Variants in IQCM observed in about 807,000 individuals in gnomAD.
IQCM encodes the protein IQ motif containing M.
IQCM carries 45 observed loss-of-function variants against 57.6 expected under a neutral mutation model. The observed-to-expected ratio is 0.78, with a 90% confidence interval of 0.62 to 1.00. The LOEUF is 1.00. Among genes scored for constraint, IQCM ranks in the 50% least tolerant of loss-of-function variants. IQCM has a pLI of 0.00. For missense variants in IQCM, 468 were observed against 511.6 expected, an observed-to-expected ratio of 0.91 and a Z score of 0.82; for synonymous variants, 148 against 158.9, an observed-to-expected ratio of 0.93 and a Z score of 0.51.
chr4:149,725,480 A>T lies in IQCM; in HGVS notation c.385+7764T>A, dbSNP rs114762862. Among the ~76,000 whole-genome samples, 730 of 152,268 alleles carry T rather than the reference A, an allele frequency of 4.8e-3. 12 individuals are homozygous for T. The highest frequency in any genetic ancestry group is 0.017 in the African/African-American group (689 of 41,552). ...GCAATTTTAATTCAAATATAAACTC[A>T]AAGATCAGCATTTCAGAGCTGTCTA... On this transcript the variant is annotated intron_variant, in intron 5 of 13. Transcript: ENST00000636793.
At chr4:149,793,743 A>G (rs1037038208) in intron 2 of IQCM, 2 of 152,220 alleles carry the variant, frequency 1.3e-5, no homozygotes, top group African/African-American at 4.8e-5. Flanking sequence ...GAGGGAAAAA[A>G]AACCTATAAG....
At chr4:149,364,172 C>G (rs1396298472) in intron 13 of IQCM, among the ~76,000 whole-genome samples, 1 of 152,052 alleles carries the variant, frequency 6.6e-6, no homozygotes, top group Non-Finnish European at 1.5e-5. Context: ...GACCAGGCAC[C>G]CTTTCCCATT....
chr4:149,510,919 C>T (rs903794704), intron 12 of IQCM, among the ~76,000 whole-genome samples: 1 of 152,186 alleles, frequency 6.6e-6, no homozygotes, highest in African/African-American at 2.4e-5. Context: ...TATTACTTGT[C>T]TCTTTCTATA....
At chr4:149,489,129 G>C (rs113082990) in intron 12 of IQCM, among the ~76,000 whole-genome samples, 6 of 152,110 alleles carry the variant, frequency 3.9e-5, no homozygotes, top group African/African-American at 1.4e-4. Context: ...ACATCAAATA[G>C]GCATAGTAAC....
At chr4:149,722,503 T>C (rs1430110757) in intron 5 of IQCM, among the ~76,000 whole-genome samples, 2 of 152,222 alleles carry the variant, frequency 1.3e-5, no homozygotes, top group East Asian at 3.9e-4. Flanking sequence ...TTCTTCTACA[T>C]GTGGGTATCC....
intron 13 of IQCM, among the ~76,000 whole-genome samples, chr4:149,389,060 C>T (rs1344985408): frequency 1.3e-5 from 2 of 151,382 alleles, no homozygotes; most frequent in Non-Finnish European, 2.9e-5. Flanking sequence ...AAACCATTGC[C>T]TCATCTGATA....
At chr4:149,688,186 T>C (rs1411453823) in intron 5 of IQCM, among the ~76,000 whole-genome samples, 1 of 151,920 alleles carries the variant, frequency 6.6e-6, no homozygotes, top group Non-Finnish European at 1.5e-5. Context: ...GATATGATCA[T>C]TTACCTTGAA....
chr4:149,629,260 AACTC>A (rs1354522672), intron 7 of IQCM, among the ~76,000 whole-genome samples: 1 of 152,166 alleles, frequency 6.6e-6, no homozygotes, highest in African/African-American at 2.4e-5. Context: ...TATAAACTTG[AACTC>A]ACTCACAGTT....
chr4:149,428,756 A>G (rs1034605550), intron 13 of IQCM, among the ~76,000 whole-genome samples: 1 of 151,808 alleles, frequency 6.6e-6, no homozygotes, highest in Non-Finnish European at 1.5e-5. Flanking sequence ...CGTAAAAAAT[A>G]CCTTGTACTT....
chr4:149,531,363 T>C (rs566048345), intron 12 of IQCM, among the ~76,000 whole-genome samples: 1 of 152,286 alleles, frequency 6.6e-6, no homozygotes, highest in Non-Finnish European at 1.5e-5. Context: ...TATTTTTCTC[T>C]ATTTTTGTAA....
At position 149,521,919 on chromosome 4, in the gene IQCM, G is replaced by A. The variant is rs576339398; in HGVS notation, c.1228+26536C>T. Reference sequence around the variant, plus strand: ...AGTAGATCTGACACCTGCATCCAACGCAAGAAACACTGAATGCTGAGGGGA... The same window carrying A: ...AGTAGATCTGACACCTGCATCCAACACAAGAAACACTGAATGCTGAGGGGA... On this transcript the variant is annotated intron_variant, in intron 12 of 13. Coordinates refer to ENST00000636793, the MANE Select transcript of IQCM (RefSeq NM_001363507.2). Among the ~76,000 whole-genome samples the A allele has an allele frequency of 5.9e-5, 9 of 152,234 alleles. No individual in the cohort carries two copies. The East Asian group carries it at 1.4e-3, about 23-fold the overall frequency.
At chr4:149,766,866 A>G (rs1580243985) in intron 2 of IQCM, among the ~76,000 whole-genome samples, 2 of 152,124 alleles carry the variant, frequency 1.3e-5, no homozygotes, top group South Asian at 4.1e-4. Context: ...ACATCATTGC[A>G]TATAACTTTC....
At chr4:149,422,294 G>A (rs1330783495) in intron 13 of IQCM, among the ~76,000 whole-genome samples, 1 of 151,926 alleles carries the variant, frequency 6.6e-6, no homozygotes, top group East Asian at 1.9e-4. Context: ...GGCCAAAAAT[G>A]CATGATCAGA....
At position 149,452,395 on chromosome 4, in the gene IQCM, GA is replaced by G. The variant is rs974027433; in HGVS notation, c.1229-18839del. On this transcript the variant is annotated intron_variant, in intron 12 of 13. Coordinates refer to ENST00000636793, the MANE Select transcript of IQCM (RefSeq NM_001363507.2). ...TATCTAGAATAGCCAAAATAACTTT[GA>G]AAAAAAAAATGAAGAACGTATACTA... is the stretch of plus-strand genomic sequence containing the variant. Among the ~76,000 whole-genome samples, 420 of 142,402 alleles carry G rather than the reference GA, an allele frequency of 2.9e-3. 2 individuals carry two copies. The highest frequency in any genetic ancestry group is 9.4e-3 in the African/African-American group (365 of 38,842). 93.4% of individuals were successfully genotyped at this position (142,402 alleles called of 152,430 possible).
At chr4:149,397,375 G>A (rs1056646502) in intron 13 of IQCM, among the ~76,000 whole-genome samples, 1 of 151,864 alleles carries the variant, frequency 6.6e-6, no homozygotes, top group African/African-American at 2.4e-5. Flanking sequence ...ATCGAATCTC[G>A]AATTGTAATC....
intron 2 of IQCM, among the ~76,000 whole-genome samples, chr4:149,764,661 G>T (rs1269252637): frequency 6.6e-6 from 1 of 152,012 alleles, no homozygotes; most frequent in Non-Finnish European, 1.5e-5. Flanking sequence ...TTGATTTTCA[G>T]CAAACTTTCA....
At chr4:149,372,526 T>C (rs566937855) in intron 13 of IQCM, among the ~76,000 whole-genome samples, 1 of 152,064 alleles carries the variant, frequency 6.6e-6, no homozygotes, top group East Asian at 1.9e-4. Flanking sequence ...GGCTACACAA[T>C]AGCCTTTCAG....
intron 12 of IQCM, among the ~76,000 whole-genome samples, chr4:149,458,402 A>G (rs1737926636): frequency 6.6e-6 from 1 of 152,068 alleles, no homozygotes; most frequent in African/African-American, 2.4e-5. Context: ...AGTACCCAGT[A>G]AGTAAATTTA....
intron 6 of IQCM, among the ~76,000 whole-genome samples, chr4:149,684,309 T>C (rs950948784): frequency 6.6e-6 from 1 of 151,268 alleles, no homozygotes; most frequent in Non-Finnish European, 1.5e-5. Context: ...AGGGAAGAAA[T>C]CATATATTTA....
Sources: gnomAD v4.1 joint callset for allele counts (sites outside exome capture counted in the v4.1 genomes callset) on GRCh38, gnomAD v4.1.1 for gene constraint, MANE v1.5 for transcripts, NCBI Gene and HGNC (gene_info 2026-07-23, HGNC 2026-07-21) for gene names.